TRAM2: variants seen among roughly 807,000 people sequenced by gnomAD.
The protein encoded by TRAM2 is translocating chain-associated membrane protein 2.
In TRAM2, 12 loss-of-function variants were observed where a neutral mutation model predicts 51.0. The observed-to-expected ratio is 0.24, with a 90% CI of 0.15 to 0.38. TRAM2 has a LOEUF of 0.38. TRAM2 is among the 10% of genes least tolerant of loss of function. The pLI is 1.00. For missense variants in TRAM2, 361 were observed against 462.0 expected (o/e 0.78, Z 2.00); for synonymous variants, 175 against 179.4 (o/e 0.98, Z 0.20).
chr6:52,536,378 G>A (rs1252571106), intron 1 of TRAM2, among the ~76,000 whole-genome samples: 1 of 152,196 alleles, frequency 6.6e-6, no homozygotes, highest in South Asian at 2.1e-4. Flanking sequence ...GGGGCCAGAA[G>A]TAACATCCCA....
chr6:52,557,718 A>C (rs1033218917), intron 1 of TRAM2, among the ~76,000 whole-genome samples: 55 of 152,144 alleles, frequency 3.6e-4, no homozygotes, highest in Non-Finnish European at 1.6e-4. Flanking sequence ...TAATCATCAT[A>C]ATAAACCTTT....
intron 2 of TRAM2, 98 bp downstream of exon 2, chr6:52,535,685 G>GA: frequency 3.5e-6 from 4 of 1,156,680 alleles, no homozygotes; most frequent in Admixed American, 2.2e-5. Context: ...CCGTCATGGG[G>GA]GAAAAAAAAA....
chr6:52,575,183 G>T (rs1767742956), intron 1 of TRAM2, among the ~76,000 whole-genome samples: 1 of 152,196 alleles, frequency 6.6e-6, no homozygotes. Context: ...TTGCTGATAT[G>T]ATCTCAGTTA....
chr6:52,509,863 C>G (rs1766422172), intron 4 of TRAM2, among the ~76,000 whole-genome samples: 1 of 152,140 alleles, frequency 6.6e-6, no homozygotes, highest in African/African-American at 2.4e-5. Flanking sequence ...TAGTCTTGCT[C>G]CTCTGAGCAA....
At chr6:52,534,535 C>A (rs1016051295) in intron 2 of TRAM2, among the ~76,000 whole-genome samples, 1 of 152,138 alleles carries the variant, frequency 6.6e-6, no homozygotes, top group African/African-American at 2.4e-5. Context: ...ATCGGAGAAC[C>A]CCTAAGTTGC....
rs887569554 is a variant in TRAM2, at chr6:52,500,174, G to A, written c.*3023C>T. The A allele has an allele frequency of 6.6e-6, 1 of 152,372 alleles. No individual in the cohort carries two copies. Among genetic ancestry groups the A allele is most frequent in the African/African-American group, 2.4e-5 (1 of 41,560 alleles). The allele number at this position is 152,372 out of a possible 1,614,324, so 9.4% of individuals were successfully genotyped here. A position where few individuals can be genotyped will look rare whatever the true frequency, so the allele number is the denominator to read the frequency against. On this transcript the variant is annotated 3_prime_UTR_variant, in exon 11 of 11. Transcript: ENST00000182527. ...TCTTTTCTCCTGCTCTTGGTGCATG[G>A]TGCTGAGCTCTCAAGCTTGGAGGTG...
chr6:52,561,284 C>T lies in TRAM2; in HGVS notation c.120+15512G>A, dbSNP rs535293465. ...AAATGAATGCGAACAGTTTTTTGTT[C>T]GTCTGTTTGTTTTGTAGAGACGGAG... On this transcript the variant is annotated intron_variant, in intron 1 of 10. Transcript: ENST00000182527. Among the ~76,000 whole-genome samples the T allele has an allele frequency of 7.9e-5, 12 of 152,184 alleles. No homozygotes were observed. The South Asian group carries it at 1.7e-3, about 21-fold the overall frequency.
At chr6:52,560,824 C>A (rs182384197) in intron 1 of TRAM2, among the ~76,000 whole-genome samples, 98 of 152,306 alleles carry the variant, frequency 6.4e-4, no homozygotes, top group Non-Finnish European at 1.2e-3. Context: ...ACAAGCTGTT[C>A]AATATCGTTT....
intron 9 of TRAM2, 87 bp from the exon 10 acceptor site, chr6:52,504,841 G>T: frequency 7.8e-7 from 1 of 1,289,628 alleles, no homozygotes; most frequent in Non-Finnish European, 1.1e-6. Context: ...AGGGCCAGGG[G>T]CCCTGCAGTT....
chr6:52,550,136 G>A (rs571242637), intron 1 of TRAM2, among the ~76,000 whole-genome samples: 1 of 152,232 alleles, frequency 6.6e-6, no homozygotes, highest in South Asian at 2.1e-4. Context: ...ACATGAGAGA[G>A]CATGAAAGGG....
At chr6:52,540,750 A>T (rs1487295894) in intron 1 of TRAM2, among the ~76,000 whole-genome samples, 1 of 152,200 alleles carries the variant, frequency 6.6e-6, no homozygotes, top group Non-Finnish European at 1.5e-5. Context: ...ATTATTTCTC[A>T]TCCCTCTAAG....
chr6:52,507,492 T>A, intron 7 of TRAM2, 61 bp downstream of exon 7: 1 of 1,540,300 alleles, frequency 6.5e-7, no homozygotes, highest in South Asian at 1.1e-5. Context: ...TATGAGTGTG[T>A]GGACAGATGC....
At chr6:52,513,543 G>T (rs1012944942) in intron 4 of TRAM2, among the ~76,000 whole-genome samples, 2 of 152,138 alleles carry the variant, frequency 1.3e-5, no homozygotes, top group Admixed American at 1.3e-4. Flanking sequence ...TTGGTGGGGG[G>T]TTCTCTGAGG....
At chr6:52,548,435 A>G (rs903956548) in intron 1 of TRAM2, among the ~76,000 whole-genome samples, 4 of 152,248 alleles carry the variant, frequency 2.6e-5, no homozygotes, top group African/African-American at 9.6e-5. Context: ...GCTAAACGCC[A>G]AACAGGATTA....
intron 1 of TRAM2, among the ~76,000 whole-genome samples, chr6:52,570,397 TCAGA>T (rs1182954513): frequency 8.5e-5 from 13 of 152,048 alleles, no homozygotes; most frequent in South Asian, 2.1e-4. Flanking sequence ...CAGATTCCAC[TCAGA>T]CAAAGAAAAA....
At chr6:52,515,128 G>A (rs527310265) in intron 4 of TRAM2, among the ~76,000 whole-genome samples, 30 of 152,338 alleles carry the variant, frequency 2.0e-4, no homozygotes, top group Middle Eastern at 3.4e-3. Context: ...GAAAGAAGAG[G>A]AAGAAAGTGA....
intron 6 of TRAM2, 148 bp from the exon 7 acceptor site, chr6:52,507,771 C>A: frequency 1.4e-6 from 1 of 701,506 alleles, no homozygotes; most frequent in Non-Finnish European, 2.4e-6. Flanking sequence ...CCCACAGTCC[C>A]ACTGCACCAG....
intron 6 of TRAM2, 73 bp downstream of exon 6, chr6:52,508,161 G>C: frequency 7.2e-7 from 1 of 1,386,878 alleles, no homozygotes; most frequent in Non-Finnish European, 1.0e-6. Flanking sequence ...AAGGAAGGGA[G>C]GTACCCCTGG....
chr6:52,499,662 C>A lies in TRAM2; in HGVS notation c.*3535G>T, dbSNP rs999607825. 5.3e-5 allele frequency: 8 copies of A among 152,200 alleles called. No individual in the cohort carries two copies. Among genetic ancestry groups the A allele is most frequent in the African/African-American group, 1.9e-4 (8 of 41,414 alleles). 9.4% of individuals were successfully genotyped at this position (152,200 alleles called of 1,614,324 possible). ...AAGAGACCCCAGAAGCACACACCCACCCCAAGCTTCAGGGGTTCTTAGGGT... is the reference window on the plus strand; with the variant it reads ...AAGAGACCCCAGAAGCACACACCCAACCCAAGCTTCAGGGGTTCTTAGGGT... On this transcript the variant is annotated 3_prime_UTR_variant, in exon 11 of 11. Coordinates refer to ENST00000182527, the MANE Select transcript of TRAM2 (RefSeq NM_012288.4).
Sources: allele counts gnomAD v4.1 joint callset (sites outside exome capture counted in the v4.1 genomes callset), GRCh38; gene constraint gnomAD v4.1.1; transcripts MANE v1.5; gene names NCBI Gene and HGNC (gene_info 2026-07-23, HGNC 2026-07-21).